Variants in PCNT observed in about 807,000 individuals in gnomAD.
PCNT encodes the protein pericentrin.
A neutral mutation model predicts 380.4 loss-of-function variants in PCNT; 319 were observed. The ratio of observed to expected loss-of-function variants is 0.84; its 90% CI spans 0.77 to 0.92. PCNT has a LOEUF of 0.92. Ranked by LOEUF, PCNT falls within the 40% of genes least tolerant of loss-of-function variation. The pLI, the probability that PCNT is intolerant of heterozygous loss-of-function variation, is 0.00. For missense variants in PCNT, 4,400 were observed against 4,255.3 expected (o/e 1.03, Z -0.95); for synonymous variants, 1,845 against 1,735.2 (o/e 1.06, Z -1.57).
chr21:46,418,333 T>G (rs2087112287), intron 31 of PCNT, 27 bp downstream of exon 31: 2 of 1,330,272 alleles, frequency 1.5e-6, no homozygotes, highest in Non-Finnish European at 2.2e-6. Context: ...TCATTTTTAA[T>G]TTTTTATTTC....
rs1178715781 is a variant in PCNT, at chr21:46,334,507, A to G, written c.378A>G (p.Pro126=). 1 of 1,610,030 alleles carries G rather than the reference A, an allele frequency of 6.2e-7. No individual in the cohort carries two copies. The change falls in exon 3 of 47, where the codon CCA becomes CCG. Residue 126 remains proline (P), a synonymous_variant. Transcript: ENST00000359568. Reference sequence around the variant, plus strand: ...GGATGTTCACAGTCAGTGACCACCCACCAGAACAGCATGGGATGTTCACAG... The same window carrying G: ...GGATGTTCACAGTCAGTGACCACCCGCCAGAACAGCATGGGATGTTCACAG... The part of the protein sequence containing the change: ...QCGMFTVSDH[P]PEQHGMFTVG...
At chr21:46,413,535 G>A (rs1003538333) in intron 29 of PCNT, among the ~76,000 whole-genome samples, 18 of 152,338 alleles carry the variant, frequency 1.2e-4, no homozygotes, top group African/African-American at 1.4e-4. Flanking sequence ...GTGAAATTTC[G>A]TACGTGCTTC....
At chr21:46,382,787 A>G (rs113976103) in intron 16 of PCNT, among the ~76,000 whole-genome samples, 55,697 of 127,380 alleles carry the variant, frequency 0.44, 15,484 homozygotes, top group Middle Eastern at 0.64. Flanking sequence ...ATTCAGTGAC[A>G]GAAGCGCATT....
chr21:46,435,876 TTC>T (rs2053427718), intron 38 of PCNT, 26 bp from the exon 39 acceptor site: 4 of 1,613,900 alleles, frequency 2.5e-6, no homozygotes, highest in Non-Finnish European at 3.4e-6. Context: ...CGTGAACGTC[TTC>T]TCTGTCTTTT....
At chr21:46,405,207 G>GT (rs2147569129) in intron 27 of PCNT, among the ~76,000 whole-genome samples, 1 of 152,310 alleles carries the variant, frequency 6.6e-6, no homozygotes, top group South Asian at 2.1e-4. Flanking sequence ...TAATCCAGCT[G>GT]TAATGACAGA....
chr21:46,344,913 G>A (rs1327676874), intron 3 of PCNT, among the ~76,000 whole-genome samples: 1 of 152,232 alleles, frequency 6.6e-6, no homozygotes, highest in Non-Finnish European at 1.5e-5. Context: ...AAAAGTTGAA[G>A]CAACTGATTC....
In PCNT at chr21:46,412,055, C is replaced by T; in HGVS notation, c.5982C>T (p.Val1994=). 6.2e-7 allele frequency: 1 copy of T among 1,607,074 alleles called. No homozygotes were observed. Among genetic ancestry groups the T allele is most frequent in the Non-Finnish European group, 8.5e-7 (1 of 1,179,794 alleles). ...ASHDAALEPV[V]PDPQGDLQPV... ...ATGATGCTGCTTTGGAGCCGGTTGT[C>T]CCTGACCCACAGGTGGGCTCCCCCC... is the stretch of plus-strand genomic sequence containing the variant. Residue 1994 remains valine, a synonymous_variant, in exon 28 of 47, where the codon GTC becomes GTT. Transcript: ENST00000359568.
At chr21:46,360,741 A>G (rs2084684179) in intron 13 of PCNT, among the ~76,000 whole-genome samples, 1 of 150,870 alleles carries the variant, frequency 6.6e-6, no homozygotes, top group South Asian at 2.1e-4. Flanking sequence ...GATGGTCTCA[A>G]TCTCCTGACT....
chr21:46,419,171 G>T (rs1168861252), intron 31 of PCNT, among the ~76,000 whole-genome samples: 1 of 152,162 alleles, frequency 6.6e-6, no homozygotes, highest in African/African-American at 2.4e-5. Context: ...CAGCGATTTA[G>T]TGTTTTTTGA....
rs1250766515 is a variant in PCNT at position 46,428,566 on chromosome 21, C to T, written c.7666C>T (p.Gln2556Ter). 1 of 1,603,358 alleles carries T rather than the reference C, an allele frequency of 6.2e-7. No homozygotes were observed. Among genetic ancestry groups the T allele is most frequent in the Admixed American group, 1.7e-5 (1 of 59,636 alleles). The change falls in exon 35 of 47, where the codon CAG becomes TAG. Residue 2556 changes from glutamine to a stop codon, truncating the protein, a stop_gained. Transcript: ENST00000359568. LOFTEE classifies it high-confidence loss of function. Reference protein sequence around the residue: ...LTSAEARGSQQEHQLRRQVEL... With the variant: ...LTSAEARGSQ ...AAGCGCAGAGGCGCGCGGGAGCCAG[C>T]AGGAGCACCAGCTGCGCAGGCAGGG...
intron 31 of PCNT, among the ~76,000 whole-genome samples, chr21:46,419,767 G>T (rs1728929190): frequency 6.6e-6 from 1 of 152,140 alleles, no homozygotes; most frequent in African/African-American, 2.4e-5. Context: ...CCGAGACAGG[G>T]TCTTGCTCTC....
intron 2 of PCNT, 45 bp from the exon 3 acceptor site, chr21:46,334,352 C>G (rs747630425): frequency 6.2e-7 from 1 of 1,613,534 alleles, no homozygotes; most frequent in Non-Finnish European, 8.5e-7. Flanking sequence ...GGCTGCAGCC[C>G]TAGACCTTGC....
chr21:46,371,847 CAT>C (rs1270256831), intron 15 of PCNT, among the ~76,000 whole-genome samples: 2 of 150,830 alleles, frequency 1.3e-5, no homozygotes, highest in Admixed American at 1.3e-4. Context: ...ACATACAGCA[CAT>C]GTGCACACAG....
In PCNT at chr21:46,437,087, G is replaced by C. The variant is rs769012420; in HGVS notation, c.9099+6G>C. The stretch of plus-strand genomic sequence containing the variant: ...GCAGGCCCACCTCCTCCCAGGTAAG[G>C]GGTGAGCGCCCCCAGGTCCCTGGCC... On this transcript the variant is annotated splice_donor_region_variant and intron_variant, in intron 40 of 46. Coordinates refer to ENST00000359568, the MANE Select transcript of PCNT (RefSeq NM_006031.6). The C allele has an allele frequency of 1.8e-5, 29 of 1,606,896 alleles. No individual in the cohort carries two copies. The highest frequency in any genetic ancestry group is 2.0e-5 in the Non-Finnish European group (23 of 1,174,062).
chr21:46,416,471 T>C lies in PCNT; in HGVS notation c.6553T>C (p.Cys2185Arg). The stretch of plus-strand genomic sequence containing the variant: ...TTCTCCCATTCAAGAAAAATCAGAA[T>C]GTCAGGACATGTCTCTTTCTTCACC... ...PDSPIQEKSECQDMSLSSPTS... is the reference protein window; with the variant it reads ...PDSPIQEKSERQDMSLSSPTS... Residue 2185 changes from cysteine to arginine, a missense_variant, in exon 30 of 47, where the codon TGT becomes CGT. Coordinates refer to ENST00000359568, the MANE Select transcript of PCNT (RefSeq NM_006031.6). 6.2e-7 allele frequency: 1 copy of C among 1,614,178 alleles called. No individual in the cohort carries two copies. Among genetic ancestry groups the C allele is most frequent in the Non-Finnish European group, 8.5e-7 (1 of 1,180,040 alleles).
At chr21:46,332,682 A>G (rs1033491931) in intron 2 of PCNT, among the ~76,000 whole-genome samples, 7 of 152,220 alleles carry the variant, frequency 4.6e-5, no homozygotes, top group East Asian at 1.9e-4. Flanking sequence ...CAGTTTTGCC[A>G]TCATCATTGG....
At chr21:46,443,669 C>G in intron 44 of PCNT, 141 bp from the exon 45 acceptor site, 1 of 832,390 alleles carries the variant, frequency 1.2e-6, no homozygotes, top group African/African-American at 1.7e-5. Flanking sequence ...GATATTGTAC[C>G]TTGAGCACTT....
intron 38 of PCNT, 66 bp from the exon 39 acceptor site, chr21:46,435,838 G>T: frequency 6.2e-7 from 1 of 1,605,118 alleles, no homozygotes; most frequent in Non-Finnish European, 8.5e-7. Flanking sequence ...CACCGCGCCC[G>T]GCCGGCAGTT....
intron 27 of PCNT, among the ~76,000 whole-genome samples, chr21:46,409,655 A>G (rs1159650956): frequency 6.6e-6 from 1 of 152,110 alleles, no homozygotes; most frequent in Admixed American, 6.5e-5. Context: ...GCTGCGGTGC[A>G]GTGGCGCAGT....
Sources: gnomAD v4.1 joint callset for allele counts (sites outside exome capture counted in the v4.1 genomes callset) on GRCh38, gnomAD v4.1.1 for gene constraint, MANE v1.5 for transcripts, NCBI Gene and HGNC (gene_info 2026-07-23, HGNC 2026-07-21) for gene names.